RNF138: variants seen among roughly 807,000 people sequenced by gnomAD.
RNF138 encodes E3 ubiquitin-protein ligase RNF138.
In RNF138, 12 loss-of-function variants were observed where a neutral mutation model predicts 31.0. That is an observed-to-expected ratio of 0.39 (90% CI 0.25 to 0.63). The LOEUF (loss-of-function observed/expected upper bound fraction) is 0.63. Among genes scored for constraint, RNF138 ranks in the 20% least tolerant of loss-of-function variants. The probability of loss-of-function intolerance (pLI) is 0.52; values close to 1 mark genes in which losing one functional copy is unlikely to be tolerated. For synonymous variants in RNF138, 105 were observed against 99.5 expected, an observed-to-expected ratio of 1.06 and a Z score of -0.33; for missense variants, 192 against 300.1, an observed-to-expected ratio of 0.64 and a Z score of 2.66.
intron 4 of RNF138, among the ~76,000 whole-genome samples, chr18:32,122,842 T>C (rs2040327642): frequency 6.6e-6 from 1 of 152,046 alleles, no homozygotes; most frequent in South Asian, 2.1e-4. Context: ...ACTAACTAAC[T>C]AAATAAATAA....
In RNF138 at chr18:32,129,198, C is replaced by T. The variant is rs774296897; in HGVS notation, c.*11C>T. 3.8e-6 allele frequency: 6 copies of T among 1,595,230 alleles called. No homozygotes were observed. The East Asian group carries it at 1.3e-4, about 36-fold the overall frequency. On this transcript the variant is annotated 3_prime_UTR_variant, in exon 8 of 8. Transcript: ENST00000261593. ...CAAGTAAACATCTGAAGGCTGTAGA[C>T]ATCTCTGCATCTTTGTACCTGCAAG...
intron 3 of RNF138, 107 bp downstream of exon 3, chr18:32,112,026 G>A (rs1598855694): frequency 1.9e-5 from 19 of 1,003,386 alleles, no homozygotes; most frequent in Non-Finnish European, 2.6e-5. Context: ...AAAGATGAAA[G>A]GTATTTAGAC....
intron 4 of RNF138, among the ~76,000 whole-genome samples, chr18:32,122,871 A>C (rs2040328207): frequency 6.6e-6 from 1 of 152,130 alleles, no homozygotes; most frequent in Non-Finnish European, 1.5e-5. Context: ...ACATTGATCA[A>C]ATTCTGTAGC....
chr18:32,094,916 CT>C (rs1223791911), intron 2 of RNF138, among the ~76,000 whole-genome samples: 2 of 152,096 alleles, frequency 1.3e-5, no homozygotes, highest in African/African-American at 4.8e-5. Context: ...GTCCGCTTCC[CT>C]TGTGGGACAT....
At chr18:32,114,496 C>T (rs1268260235) in intron 4 of RNF138, among the ~76,000 whole-genome samples, 7 of 152,106 alleles carry the variant, frequency 4.6e-5, no homozygotes, top group Admixed American at 1.3e-4. Flanking sequence ...CAAGAAAGAA[C>T]ATTTTTCAAA....
chr18:32,100,423 C>T (rs1477039116), intron 2 of RNF138, among the ~76,000 whole-genome samples: 1 of 150,342 alleles, frequency 6.7e-6, no homozygotes, highest in African/African-American at 2.4e-5. Flanking sequence ...TTAGCCTTCC[C>T]AGTAGCTGGG....
intron 4 of RNF138, among the ~76,000 whole-genome samples, chr18:32,122,572 G>A (rs1157143385): frequency 6.6e-6 from 1 of 151,954 alleles, no homozygotes; most frequent in Non-Finnish European, 1.5e-5. Flanking sequence ...ACCTGTAATC[G>A]CAGCAGTTTG....
At chr18:32,095,180 T>TA (rs35818174) in intron 2 of RNF138, among the ~76,000 whole-genome samples, 98,817 of 151,846 alleles carry the variant, frequency 0.65, 32,417 homozygotes, top group East Asian at 0.74. Context: ...AAATTATCGT[T>TA]TTTTTTTGAG....
rs58774714 is a variant in RNF138 at position 32,107,116 on chromosome 18, C to CTTTT, written c.111-4620_111-4617dup. On this transcript the variant is annotated intron_variant, in intron 2 of 7. Coordinates refer to ENST00000261593, the MANE Select transcript of RNF138 (RefSeq NM_016271.5). ...TGGTTAAATTCACTTTCCTTTTTTC[C>CTTTT]TTTTTTTTTTTTTTTTTTTTTGGAG... 1.1e-3 allele frequency among the ~76,000 whole-genome samples: 107 copies of CTTTT among 100,572 alleles called. 2 individuals are homozygous for CTTTT. Among genetic ancestry groups the CTTTT allele is most frequent in the African/African-American group, 3.7e-3 (92 of 25,104 alleles). The allele number at this position is 100,572 out of a possible 152,430, so 66.0% of individuals were successfully genotyped here.
intron 2 of RNF138, among the ~76,000 whole-genome samples, chr18:32,097,866 C>CTA (rs1200784830): frequency 1.8e-4 from 27 of 150,954 alleles, no homozygotes; most frequent in East Asian, 5.8e-4. Flanking sequence ...GTTGCTCGGG[C>CTA]TATATATATG....
At position 32,091,923 on chromosome 18, in the gene RNF138, C is replaced by T. The variant is rs114033819; in HGVS notation, c.-390C>T. On this transcript the variant is annotated 5_prime_UTR_variant, in exon 1 of 8. Transcript: ENST00000261593. ...CCGCACTTCACACCCCGTGCCTCCC[C>T]GCCTCTCCTGGCTCCTCCGCCCAGA... 0.014 allele frequency: 2,066 copies of T among 152,520 alleles called. 21 individuals carry two copies. The highest frequency in any genetic ancestry group is 0.032 in the African/African-American group (1,350 of 41,586). The allele number at this position is 152,520 out of a possible 1,614,324, so 9.4% of individuals were successfully genotyped here.
intron 4 of RNF138, 29 bp from the exon 5 acceptor site, chr18:32,123,489 T>C (rs907956422): frequency 7.0e-6 from 10 of 1,422,690 alleles, no homozygotes; most frequent in Non-Finnish European, 9.7e-6. Flanking sequence ...TACTTTGAGG[T>C]ATTAACTTTT....
At chr18:32,114,061 T>G in intron 4 of RNF138, 2 of 367,202 alleles carry the variant, frequency 5.4e-6, no homozygotes, top group Non-Finnish European at 4.9e-6. Context: ...GGGAGATGAC[T>G]TCATGAACTT....
At chr18:32,104,118 A>G (rs2039989405) in intron 2 of RNF138, among the ~76,000 whole-genome samples, 1 of 151,230 alleles carries the variant, frequency 6.6e-6, no homozygotes, top group South Asian at 2.1e-4. Context: ...GGTTCAAGCA[A>G]TTCTAGTGAC....
In RNF138 at chr18:32,130,015, A is replaced by G. The variant is rs1201884766; in HGVS notation, c.*828A>G. The G allele has an allele frequency of 6.6e-6, 1 of 152,374 alleles. No homozygotes were observed. Among genetic ancestry groups the G allele is most frequent in the Non-Finnish European group, 1.5e-5 (1 of 67,914 alleles). The allele number at this position is 152,374 out of a possible 1,614,324, so 9.4% of individuals were successfully genotyped here. On this transcript the variant is annotated 3_prime_UTR_variant, in exon 8 of 8. Coordinates refer to ENST00000261593, the MANE Select transcript of RNF138 (RefSeq NM_016271.5). ...TCAGTTGGTGATATTGTATTCTAGA[A>G]GATATAAATGAGAGGTTTGGCTTCA...
chr18:32,116,124 T>G (rs2040212951), intron 4 of RNF138, among the ~76,000 whole-genome samples: 1 of 152,190 alleles, frequency 6.6e-6, no homozygotes, highest in Non-Finnish European at 1.5e-5. Flanking sequence ...GTAAAGAAAC[T>G]TGACTAGTAC....
At chr18:32,117,284 T>A (rs1216911931) in intron 4 of RNF138, among the ~76,000 whole-genome samples, 3 of 152,086 alleles carry the variant, frequency 2.0e-5, no homozygotes, top group African/African-American at 7.2e-5. Context: ...GGGCTCTAAT[T>A]ATGCGATTTG....
At chr18:32,111,070 G>A (rs1420525462) in intron 2 of RNF138, among the ~76,000 whole-genome samples, 10 of 152,330 alleles carry the variant, frequency 6.6e-5, no homozygotes, top group South Asian at 4.1e-4. Context: ...GTGAGCCACC[G>A]TGCCCGGCAA....
rs183536960 is a variant in RNF138 at position 32,106,702 on chromosome 18, C to T, written c.111-5052C>T. ...GCCTCAGCCTCTTGAGTAGCTGGGACTACAGGCGCCCGTCACCATGCCTAG... is the reference window on the plus strand; with the variant it reads ...GCCTCAGCCTCTTGAGTAGCTGGGATTACAGGCGCCCGTCACCATGCCTAG... On this transcript the variant is annotated intron_variant, in intron 2 of 7. Coordinates refer to ENST00000261593, the MANE Select transcript of RNF138 (RefSeq NM_016271.5). Among the ~76,000 whole-genome samples, 518 of 151,836 alleles carry T rather than the reference C, an allele frequency of 3.4e-3. 1 individual carries two copies. The highest frequency in any genetic ancestry group is 0.012 in the African/African-American group (501 of 41,404).
Sources: gnomAD v4.1 joint callset for allele counts (sites outside exome capture counted in the v4.1 genomes callset) on GRCh38, gnomAD v4.1.1 for gene constraint, MANE v1.5 for transcripts, NCBI Gene and HGNC (gene_info 2026-07-23, HGNC 2026-07-21) for gene names.